The following RBPMS variants were observed in gnomAD, a reference collection of about 807,000 sequenced individuals.
The protein encoded by RBPMS is RNA-binding protein with multiple splicing.
In RBPMS, 7 loss-of-function variants were observed where a neutral mutation model predicts 26.8. That is an observed-to-expected ratio of 0.26 (90% CI 0.15 to 0.49). RBPMS has a LOEUF of 0.49. Among genes scored for constraint, RBPMS ranks in the 20% least tolerant of loss-of-function variants. RBPMS has a pLI of 0.98. For synonymous variants in RBPMS, 96 were observed against 93.3 expected, an observed-to-expected ratio of 1.03 and a Z score of -0.17; for missense variants, 186 against 250.0, an observed-to-expected ratio of 0.74 and a Z score of 1.73.
At chr8:30,545,041 G>A (rs960214251) in intron 6 of RBPMS, 26 of 1,408,710 alleles carry the variant, frequency 1.8e-5, no homozygotes, top group Non-Finnish European at 2.4e-5. Context: ...TGTGTTGAGA[G>A]TTTTCCACTC....
At chr8:30,466,145 T>C (rs1422324204) in intron 1 of RBPMS, among the ~76,000 whole-genome samples, 1 of 152,168 alleles carries the variant, frequency 6.6e-6, no homozygotes, top group Non-Finnish European at 1.5e-5. Context: ...CCAATAACTG[T>C]CACTTACAGC....
At chr8:30,455,619 G>A (rs902217905) in intron 1 of RBPMS, among the ~76,000 whole-genome samples, 1 of 152,158 alleles carries the variant, frequency 6.6e-6, no homozygotes, top group Non-Finnish European at 1.5e-5. Flanking sequence ...GCCGGGCGTG[G>A]GAGCTCACGC....
intron 4 of RBPMS, among the ~76,000 whole-genome samples, chr8:30,492,973 A>G (rs1005199732): frequency 1.3e-5 from 2 of 152,168 alleles, no homozygotes; most frequent in African/African-American, 2.4e-5. Flanking sequence ...CATGGTTTCT[A>G]TGCCACATTT....
chr8:30,410,435 C>T lies in RBPMS; in HGVS notation c.66+25277C>T, dbSNP rs533271508. Among the ~76,000 whole-genome samples the T allele has an allele frequency of 3.9e-5, 6 of 152,158 alleles. No homozygotes were observed. The South Asian group carries it at 6.2e-4, about 16-fold the overall frequency. On this transcript the variant is annotated intron_variant, in intron 1 of 8. Coordinates refer to ENST00000397323, the MANE Select transcript of RBPMS (RefSeq NM_001008710.3). ...ATGTTAGCCAGGATGGTCTTGATCT[C>T]CTGACCTTGTCATCTGCCCCCCTCG...
chr8:30,503,371 C>G (rs1444370984), intron 4 of RBPMS, among the ~76,000 whole-genome samples: 1 of 152,064 alleles, frequency 6.6e-6, no homozygotes. Context: ...TCTCAGCATT[C>G]CAAGTAACTA....
chr8:30,536,392 G>T (rs944731799), intron 5 of RBPMS, among the ~76,000 whole-genome samples: 30 of 152,180 alleles, frequency 2.0e-4, no homozygotes, highest in African/African-American at 7.2e-4. Context: ...CTCCCAAAGT[G>T]CTGGGACTAT....
chr8:30,496,173 CT>C (rs34079966), intron 4 of RBPMS, among the ~76,000 whole-genome samples: 36,315 of 144,744 alleles, frequency 0.25, 4,630 homozygotes, highest in East Asian at 0.4. Context: ...TTGCGCATTT[CT>C]TTTTTTTTTT....
intron 5 of RBPMS, among the ~76,000 whole-genome samples, chr8:30,516,395 G>GAA (rs72433552): frequency 3.1e-4 from 47 of 151,972 alleles, no homozygotes; most frequent in Non-Finnish European, 6.0e-4. Flanking sequence ...TCTCAAAAAA[G>GAA]AAAAAACACC....
chr8:30,568,695 C>T (rs1563462038), intron 8 of RBPMS, among the ~76,000 whole-genome samples: 5 of 152,200 alleles, frequency 3.3e-5, no homozygotes, highest in Admixed American at 2.0e-4. Flanking sequence ...ACCCTGACCC[C>T]GCCATCCATC....
chr8:30,539,528 T>G (rs918446920), intron 5 of RBPMS, among the ~76,000 whole-genome samples: 1 of 152,206 alleles, frequency 6.6e-6, no homozygotes, highest in Admixed American at 6.5e-5. Context: ...TGGCTATTTC[T>G]TCACCTGAAG....
At chr8:30,555,160 CTTCTTT>C (rs1392070368) in intron 6 of RBPMS, among the ~76,000 whole-genome samples, 1 of 152,134 alleles carries the variant, frequency 6.6e-6, no homozygotes, top group Non-Finnish European at 1.5e-5. Context: ...CTCTGAGTTG[CTTCTTT>C]TTCTGGGTAT....
intron 4 of RBPMS, among the ~76,000 whole-genome samples, chr8:30,491,126 C>G (rs570205130): frequency 9.2e-5 from 14 of 152,096 alleles, no homozygotes; most frequent in African/African-American, 3.1e-4. Context: ...TCTCCCCCAA[C>G]CCTATTGATT....
chr8:30,477,065 A>AT (rs1433795110), intron 2 of RBPMS, among the ~76,000 whole-genome samples: 2 of 151,968 alleles, frequency 1.3e-5, no homozygotes, highest in African/African-American at 2.4e-5. Flanking sequence ...TACCAACTAT[A>AT]TTTTTTTGAG....
intron 1 of RBPMS, among the ~76,000 whole-genome samples, chr8:30,455,292 C>A (rs1815069594): frequency 6.6e-6 from 1 of 151,990 alleles, no homozygotes; most frequent in Non-Finnish European, 1.5e-5. Context: ...CATTCCAATG[C>A]AAAAGGAAAC....
rs1554509328 is a variant in RBPMS, at chr8:30,419,450, A to ATTTTGTGTGTGTGTGTGTGTG, written c.66+34293_66+34294insTTTGTGTGTGTGTGTGTGTGT. ...GACAGAGTGAGATTGCATCTCAAAA[A>ATTTTGTGTGTGTGTGTGTGTG]TGTGTGTGTGTGTGTGTGTGTGTGT... is the stretch of plus-strand genomic sequence containing the variant. On this transcript the variant is annotated intron_variant, in intron 1 of 8. Coordinates refer to ENST00000397323, the MANE Select transcript of RBPMS (RefSeq NM_001008710.3). Among the ~76,000 whole-genome samples the ATTTTGTGTGTGTGTGTGTGTG allele has an allele frequency of 2.1e-5, 3 of 143,176 alleles. No individual in the cohort carries two copies. The Admixed American group carries it at 2.1e-4, about 10-fold the overall frequency. 93.9% of individuals were successfully genotyped at this position (143,176 alleles called of 152,430 possible). A position where few individuals can be genotyped will look rare whatever the true frequency, so the allele number is the denominator to read the frequency against.
intron 5 of RBPMS, among the ~76,000 whole-genome samples, chr8:30,517,174 T>C (rs181252025): frequency 3.0e-4 from 45 of 149,856 alleles, no homozygotes; most frequent in Admixed American, 5.4e-4. Context: ...TCAATAGATA[T>C]ATAGGCCAAG....
intron 5 of RBPMS, among the ~76,000 whole-genome samples, chr8:30,515,446 GC>G (rs1822205149): frequency 6.6e-6 from 1 of 152,112 alleles, no homozygotes; most frequent in African/African-American, 2.4e-5. Context: ...CCAGCTAGAT[GC>G]ATGTCTCTGT....
intron 8 of RBPMS, among the ~76,000 whole-genome samples, chr8:30,568,507 C>T (rs1478377925): frequency 6.6e-6 from 1 of 152,204 alleles, no homozygotes; most frequent in African/African-American, 2.4e-5. Flanking sequence ...GTGTAATATT[C>T]CTTAAGAGAC....
rs1247518147 is a variant in RBPMS at position 30,438,001 on chromosome 8, G to A, written c.67-36778G>A. Among the ~76,000 whole-genome samples, 85 of 152,152 alleles carry A rather than the reference G, an allele frequency of 5.6e-4. 1 individual carries two copies. The highest frequency in any genetic ancestry group is 5.9e-5 in the Non-Finnish European group (4 of 67,984). On this transcript the variant is annotated intron_variant, in intron 1 of 8. Coordinates refer to ENST00000397323, the MANE Select transcript of RBPMS (RefSeq NM_001008710.3). The stretch of plus-strand genomic sequence containing the variant: ...AAGTTGTTATTTTTACTTAGGAAAT[G>A]ATTTATCTATTTTGCAAGTTCATCT...
Sources: gnomAD v4.1 joint callset for allele counts (sites outside exome capture counted in the v4.1 genomes callset) on GRCh38, gnomAD v4.1.1 for gene constraint, MANE v1.5 for transcripts, NCBI Gene and HGNC (gene_info 2026-07-23, HGNC 2026-07-21) for gene names.